ERC2: variants seen among roughly 807,000 people sequenced by gnomAD.
ERC2 encodes ERC protein 2.
ERC2 carries 42 observed loss-of-function variants against 114.8 expected under a neutral mutation model. The ratio of observed to expected loss-of-function variants is 0.37; its 90% confidence interval spans 0.29 to 0.47. The LOEUF is 0.47. Ranked by LOEUF, ERC2 falls within the 20% of genes least tolerant of loss-of-function variation. ERC2 has a pLI of 0.99. For missense variants in ERC2, 939 were observed against 1,150.7 expected (o/e 0.82, Z 2.66); for synonymous variants, 454 against 425.5 (o/e 1.07, Z -0.82).
chr3:56,196,318 G>T (rs1442676490), intron 3 of ERC2, among the ~76,000 whole-genome samples: 3 of 152,092 alleles, frequency 2.0e-5, no homozygotes, highest in Non-Finnish European at 4.4e-5. Context: ...AAACATATGA[G>T]ATAATGTCCA....
At chr3:56,030,727 T>C (rs889783800) in intron 7 of ERC2, among the ~76,000 whole-genome samples, 4 of 152,212 alleles carry the variant, frequency 2.6e-5, no homozygotes, top group Non-Finnish European at 5.9e-5. Context: ...GAAACATCAA[T>C]TTGAACAACT....
chr3:56,019,353 T>C (rs2073542185), intron 7 of ERC2, among the ~76,000 whole-genome samples: 1 of 152,200 alleles, frequency 6.6e-6, no homozygotes, highest in South Asian at 2.1e-4. Flanking sequence ...GTCGATAGGC[T>C]TGAACTTGGT....
intron 1 of ERC2, among the ~76,000 whole-genome samples, chr3:56,446,056 C>T (rs1239003009): frequency 6.6e-6 from 1 of 152,060 alleles, no homozygotes; most frequent in Non-Finnish European, 1.5e-5. Context: ...TGTAAGGAAA[C>T]CCTTCATAAC....
intron 17 of ERC2, among the ~76,000 whole-genome samples, chr3:55,613,677 C>T (rs1207689524): frequency 6.6e-6 from 1 of 152,064 alleles, no homozygotes; most frequent in African/African-American, 2.4e-5. Flanking sequence ...AGGGAACTGA[C>T]TAACTCAAGA....
chr3:55,598,863 T>C (rs1273754185), intron 17 of ERC2, among the ~76,000 whole-genome samples: 1 of 151,594 alleles, frequency 6.6e-6, no homozygotes. Flanking sequence ...ACCTAACCCT[T>C]CTTCCTCAGA....
chr3:55,758,510 C>T (rs573903214), intron 14 of ERC2, among the ~76,000 whole-genome samples: 11 of 152,318 alleles, frequency 7.2e-5, no homozygotes, highest in African/African-American at 2.6e-4. Context: ...TTGCTGCCAT[C>T]CTGCAGAGCC....
At chr3:56,414,079 T>G (rs1027288377) in intron 2 of ERC2, among the ~76,000 whole-genome samples, 1 of 152,196 alleles carries the variant, frequency 6.6e-6, no homozygotes, top group African/African-American at 2.4e-5. Context: ...TCAAGAACCA[T>G]GGGCAGCTGT....
chr3:56,257,431 C>G (rs889768932), intron 3 of ERC2, among the ~76,000 whole-genome samples: 2 of 152,196 alleles, frequency 1.3e-5, no homozygotes, highest in African/African-American at 4.8e-5. Flanking sequence ...ATTTAACTTA[C>G]GTCAAACCAA....
rs564201302 is a variant in ERC2 at position 55,987,196 on chromosome 3, C to T, written c.2256-1208G>A. 2.4e-4 allele frequency among the ~76,000 whole-genome samples: 37 copies of T among 152,240 alleles called. No homozygotes were observed. The South Asian group carries it at 5.8e-3, about 24-fold the overall frequency. ...GCAGAGTGTTTTGTGATCATAAATG[C>T]GCAACTGATCTAAAATGAGAGTTAT... On this transcript the variant is annotated intron_variant, in intron 11 of 17. Coordinates refer to ENST00000288221, the MANE Select transcript of ERC2 (RefSeq NM_015576.3).
chr3:55,933,358 G>A (rs764007371), intron 13 of ERC2, among the ~76,000 whole-genome samples: 1 of 152,160 alleles, frequency 6.6e-6, no homozygotes, highest in Non-Finnish European at 1.5e-5. Context: ...AGCTGTACAT[G>A]GGTTTTGGCA....
intron 4 of ERC2, among the ~76,000 whole-genome samples, chr3:56,153,949 G>A (rs886936798): frequency 9.2e-5 from 14 of 152,066 alleles, no homozygotes; most frequent in African/African-American, 3.4e-4. Flanking sequence ...GGGCCAATAT[G>A]GTTTTTAAAA....
chr3:55,769,589 T>C (rs1166697404), intron 14 of ERC2, among the ~76,000 whole-genome samples: 2 of 152,128 alleles, frequency 1.3e-5, no homozygotes, highest in Non-Finnish European at 2.9e-5. Context: ...TATAAATATA[T>C]TTGGTTGAAC....
intron 1 of ERC2, among the ~76,000 whole-genome samples, chr3:56,464,775 A>G (rs1340627632): frequency 1.3e-5 from 2 of 152,180 alleles, no homozygotes; most frequent in Non-Finnish European, 2.9e-5. Flanking sequence ...ACAATAAAAT[A>G]TAAAGGAATA....
At chr3:55,583,415 CT>C (rs2057381195) in intron 17 of ERC2, among the ~76,000 whole-genome samples, 5 of 125,836 alleles carry the variant, frequency 4.0e-5, no homozygotes, top group African/African-American at 1.5e-4. Context: ...TCCTTCCTTC[CT>C]TCCTTCCTTC....
intron 16 of ERC2, among the ~76,000 whole-genome samples, chr3:55,687,629 A>G (rs2062403665): frequency 6.6e-6 from 1 of 152,154 alleles, no homozygotes; most frequent in African/African-American, 2.4e-5. Context: ...TCCTGGTTAT[A>G]ACTAGGTCTG....
chr3:56,446,019 T>G (rs562455737), intron 1 of ERC2, among the ~76,000 whole-genome samples: 1 of 152,264 alleles, frequency 6.6e-6, no homozygotes, highest in Non-Finnish European at 1.5e-5. Context: ...AGAGTTAGAC[T>G]AGGTAGCCTG....
chr3:56,296,802 C>A (rs2055472421), intron 2 of ERC2, among the ~76,000 whole-genome samples: 1 of 152,204 alleles, frequency 6.6e-6, no homozygotes, highest in African/African-American at 2.4e-5. Flanking sequence ...GCTCCAGACT[C>A]AGTATTCCTT....
intron 14 of ERC2, among the ~76,000 whole-genome samples, chr3:55,816,495 G>T (rs1005047807): frequency 3.3e-5 from 5 of 152,128 alleles, no homozygotes; most frequent in African/African-American, 1.2e-4. Flanking sequence ...AGTAATGATG[G>T]TAATAAATCC....
At position 55,975,578 on chromosome 3, in the gene ERC2, T is replaced by C. The variant is rs561763465; in HGVS notation, c.2267+10399A>G. Among the ~76,000 whole-genome samples the C allele has an allele frequency of 1.3e-3, 193 of 152,340 alleles. 1 individual carries two copies. Among genetic ancestry groups the C allele is most frequent in the Admixed American group, 2.2e-3 (33 of 15,306 alleles). ...ATTATCCCTACATCCCCTAAAACTG[T>C]GTCTTCTTATTCATCATTATTGCTT... On this transcript the variant is annotated intron_variant, in intron 12 of 17. Transcript: ENST00000288221.
Sources: allele counts gnomAD v4.1 joint callset (sites outside exome capture counted in the v4.1 genomes callset), GRCh38; gene constraint gnomAD v4.1.1; transcripts MANE v1.5; gene names NCBI Gene and HGNC (gene_info 2026-07-23, HGNC 2026-07-21).